Variants in RBX1 observed in about 807,000 individuals in gnomAD.
The protein encoded by RBX1 is ring-box 1.
For synonymous variants in RBX1, 48 were observed against 47.9 expected (o/e 1.00, Z -0.01); for missense variants, 46 against 141.4 (o/e 0.33, Z 3.42).
chr22:40,971,169 C>T (rs759232878), intron 4 of RBX1, among the ~76,000 whole-genome samples: 5 of 152,066 alleles, frequency 3.3e-5, no homozygotes, highest in Non-Finnish European at 7.3e-5. Context: ...CTAAGAATTG[C>T]GGGGGTATGA....
At chr22:40,967,474 G>A (rs998754695) in intron 3 of RBX1, 2 of 179,682 alleles carry the variant, frequency 1.1e-5, no homozygotes, top group Non-Finnish European at 2.3e-5. Flanking sequence ...AAAGAAAGTG[G>A]AAGTATCCCC....
At chr22:40,962,702 T>G (rs1409084781) in intron 2 of RBX1, among the ~76,000 whole-genome samples, 1 of 150,372 alleles carries the variant, frequency 6.7e-6, no homozygotes. Flanking sequence ...TTTTATTTAT[T>G]TATTTTTTGA....
intron 3 of RBX1, 179 bp downstream of exon 3, chr22:40,964,296 T>A: frequency 2.0e-6 from 1 of 511,214 alleles, no homozygotes; most frequent in Non-Finnish European, 3.5e-6. Flanking sequence ...AGGGTAAAAA[T>A]TACAGTTACT....
In RBX1 at chr22:40,964,031, G is replaced by C. The variant is rs375387519; in HGVS notation, c.158-16G>C. ...GCTCCCAAGGTCCAGTGATCCTGTT[G>C]CTCTTGTTCCCACAGGCATAGAATG... On this transcript the variant is annotated splice_polypyrimidine_tract_variant and intron_variant, in intron 2 of 4. Coordinates refer to ENST00000216225, the MANE Select transcript of RBX1 (RefSeq NM_014248.4). 1.2e-6 allele frequency: 2 copies of C among 1,610,260 alleles called. No homozygotes were observed. Among genetic ancestry groups the C allele is most frequent in the African/African-American group, 2.7e-5 (2 of 74,836 alleles).
chr22:40,958,827 T>TG (rs2058332291), intron 2 of RBX1, among the ~76,000 whole-genome samples: 2 of 149,652 alleles, frequency 1.3e-5, no homozygotes, highest in Non-Finnish European at 1.5e-5. Flanking sequence ...TGGTTTGGTT[T>TG]GTTTGAGACA....
chr22:40,965,500 A>T (rs1161719581), intron 3 of RBX1, among the ~76,000 whole-genome samples: 3 of 149,248 alleles, frequency 2.0e-5, no homozygotes, highest in Non-Finnish European at 4.4e-5. Flanking sequence ...GAGCGCAGTG[A>T]CGCAGTCCCG....
chr22:40,959,509 T>G (rs568154293), intron 2 of RBX1, among the ~76,000 whole-genome samples: 2 of 152,224 alleles, frequency 1.3e-5, no homozygotes, highest in Non-Finnish European at 2.9e-5. Context: ...GTTAGGAATT[T>G]TGTAGTAAAG....
At chr22:40,967,760 C>T (rs1199824564) in intron 3 of RBX1, 39 bp from the exon 4 acceptor site, 1 of 1,553,808 alleles carries the variant, frequency 6.4e-7, no homozygotes. Flanking sequence ...GCTGAGCCTG[C>T]ATAGAGTTAT....
In RBX1 at chr22:40,969,844, G is replaced by A. The variant is rs6002212; in HGVS notation, c.314+1960G>A. 1.7e-3 allele frequency among the ~76,000 whole-genome samples: 252 copies of A among 151,278 alleles called. 3 individuals carry two copies. Among genetic ancestry groups the A allele is most frequent in the African/African-American group, 5.8e-3 (237 of 41,178 alleles). ...GCAGAGGTTGCAGTGAGCAGAGATCGTGCCACTGCACTCCAGTCTAAATGA... is the reference window on the plus strand; with the variant it reads ...GCAGAGGTTGCAGTGAGCAGAGATCATGCCACTGCACTCCAGTCTAAATGA... On this transcript the variant is annotated intron_variant, in intron 4 of 4. Transcript: ENST00000216225.
At chr22:40,964,503 G>T in intron 3 of RBX1, 1 of 192,060 alleles carries the variant, frequency 5.2e-6, no homozygotes. Context: ...TGAGTAAATT[G>T]AGTGTTGAAG....
chr22:40,958,574 A>AC (rs1014936149), intron 2 of RBX1, among the ~76,000 whole-genome samples: 6 of 151,996 alleles, frequency 3.9e-5, no homozygotes, highest in Non-Finnish European at 8.8e-5. Context: ...GCCCTCCTGT[A>AC]CCTTTGTATT....
At chr22:40,954,707 C>G (rs1394789941) in intron 2 of RBX1, among the ~76,000 whole-genome samples, 1 of 151,714 alleles carries the variant, frequency 6.6e-6, no homozygotes, top group Non-Finnish European at 1.5e-5. Context: ...TTGAGTCACT[C>G]CTGCTCACTC....
intron 2 of RBX1, among the ~76,000 whole-genome samples, chr22:40,957,345 C>CA (rs146192638): frequency 0.27 from 39,697 of 149,758 alleles, 6,605 homozygotes; most frequent in East Asian, 0.5. Context: ...AACTCTGTCT[C>CA]AAAAAAAAAG....
In RBX1 at chr22:40,973,077, T is replaced by C. The variant is rs2058373430; in HGVS notation, c.*589T>C. Reference sequence around the variant, plus strand: ...ATCATGTGGGCACAGAGAGAAGCTTTGTAAAATGTAAAACCGCTATACAAA... The same window carrying C: ...ATCATGTGGGCACAGAGAGAAGCTTCGTAAAATGTAAAACCGCTATACAAA... On this transcript the variant is annotated 3_prime_UTR_variant, in exon 5 of 5. Coordinates refer to ENST00000216225, the MANE Select transcript of RBX1 (RefSeq NM_014248.4). The C allele has an allele frequency of 6.6e-6, 1 of 152,298 alleles. No individual in the cohort carries two copies. Among genetic ancestry groups the C allele is most frequent in the South Asian group, 2.1e-4 (1 of 4,846 alleles). 9.4% of individuals were successfully genotyped at this position (152,298 alleles called of 1,614,324 possible).
At chr22:40,952,120 A>G (rs1179967790) in intron 1 of RBX1, among the ~76,000 whole-genome samples, 1 of 152,116 alleles carries the variant, frequency 6.6e-6, no homozygotes, top group Non-Finnish European at 1.5e-5. Flanking sequence ...CACGTCCAGA[A>G]TCTCCCCCTT....
intron 2 of RBX1, among the ~76,000 whole-genome samples, chr22:40,956,822 T>C (rs1002034512): frequency 2.0e-5 from 3 of 150,056 alleles, no homozygotes; most frequent in African/African-American, 7.4e-5. Context: ...GATCACAAGG[T>C]CCAGAGATCG....
chr22:40,953,959 G>A (rs1193790770), intron 2 of RBX1, among the ~76,000 whole-genome samples: 3 of 152,086 alleles, frequency 2.0e-5, no homozygotes, highest in Admixed American at 6.6e-5. Context: ...AGTGAAAGGA[G>A]GAAAATAAAC....
At chr22:40,970,063 A>C (rs959047276) in intron 4 of RBX1, among the ~76,000 whole-genome samples, 16 of 151,016 alleles carry the variant, frequency 1.1e-4, no homozygotes, top group African/African-American at 3.4e-4. Context: ...TAAAAAAAAA[A>C]AAAAAAAAAA....
At chr22:40,969,748 C>T (rs551613226) in intron 4 of RBX1, among the ~76,000 whole-genome samples, 2 of 151,642 alleles carry the variant, frequency 1.3e-5, no homozygotes, top group South Asian at 4.2e-4. Flanking sequence ...ATTAGCTGGG[C>T]GGTAGTGGTG....
Sources: allele counts gnomAD v4.1 joint callset (sites outside exome capture counted in the v4.1 genomes callset), GRCh38; gene constraint gnomAD v4.1.1; transcripts MANE v1.5; gene names NCBI Gene and HGNC (gene_info 2026-07-23, HGNC 2026-07-21).